The following SNRNP25 variants were observed in gnomAD, a reference collection of about 807,000 sequenced individuals.
SNRNP25 encodes the protein U11/U12 small nuclear ribonucleoprotein 25 kDa protein.
SNRNP25 carries 21 observed loss-of-function variants against 23.9 expected under a neutral mutation model. That is an observed-to-expected ratio of 0.88 (90% confidence interval 0.62 to 1.27). SNRNP25 has a LOEUF of 1.27. SNRNP25 is among the 50% of genes most tolerant of loss of function. SNRNP25 has a pLI of 0.00. For missense variants in SNRNP25, 160 were observed against 156.9 expected, an observed-to-expected ratio of 1.02 and a Z score of -0.11; for synonymous variants, 63 against 60.4, an observed-to-expected ratio of 1.04 and a Z score of -0.20.
chr16:55,597 A>G (rs564927117), intron 2 of SNRNP25, 48 bp downstream of exon 2: 7 of 1,604,642 alleles, frequency 4.4e-6, no homozygotes, highest in Admixed American at 1.7e-5. Context: ...AGGCTTTCAC[A>G]GCAGGAAGAC....
chr16:54,701 C>T (rs879300248), intron 1 of SNRNP25, among the ~76,000 whole-genome samples: 2 of 152,076 alleles, frequency 1.3e-5, no homozygotes, highest in Non-Finnish European at 2.9e-5. Flanking sequence ...TGCTTTGGGA[C>T]GATACTGTCT....
At chr16:54,105 C>G in intron 1 of SNRNP25, 47 bp downstream of exon 1, 6 of 1,556,716 alleles carry the variant, frequency 3.9e-6, no homozygotes, top group Non-Finnish European at 5.2e-6. Flanking sequence ...TCCCCGGGGT[C>G]CGGGCATCCG....
At chr16:54,756 T>A (rs181784253) in intron 1 of SNRNP25, among the ~76,000 whole-genome samples, 202 of 152,192 alleles carry the variant, frequency 1.3e-3, no homozygotes, top group Admixed American at 3.1e-3. Context: ...CTTGGTCCGT[T>A]GCCAGGCTGG....
Position 53,990 on chromosome 16 carries a change from A to T in SNRNP25, c.-27A>T, listed in dbSNP as rs1481763462. ...AGAGGCGCTGCCGCACTCCGAGGCC[A>T]TGGACGTGTTCCAGGAGGGTCTGGC... On this transcript the variant is annotated 5_prime_UTR_variant, in exon 1 of 5. It removes an upstream start codon present in the reference 5' UTR. Transcript: ENST00000293861. The T allele has an allele frequency of 6.2e-7, 1 of 1,609,366 alleles. No homozygotes were observed. The highest frequency in any genetic ancestry group is 8.5e-7 in the Non-Finnish European group (1 of 1,178,576).
intron 1 of SNRNP25, 37 bp downstream of exon 1, chr16:54,095 TC>T: frequency 1.3e-6 from 2 of 1,573,212 alleles, no homozygotes; most frequent in Admixed American, 1.8e-5. Context: ...CGGGAGTCGT[TC>T]CCCGGGGTCC....
intron 3 of SNRNP25, 140 bp from the exon 4 acceptor site, chr16:56,398 GC>G (rs1897408717): frequency 1.2e-6 from 1 of 810,742 alleles, no homozygotes; most frequent in South Asian, 1.4e-5. Flanking sequence ...GACCCAATCT[GC>G]ACATTGTACA....
At position 54,013 on chromosome 16, in the gene SNRNP25, G is replaced by T; in HGVS notation, c.-4G>T. 1 of 1,610,204 alleles carries T rather than the reference G, an allele frequency of 6.2e-7. No individual in the cohort carries two copies. ...CCATGGACGTGTTCCAGGAGGGTCT[G>T]GCTATGGTGGTGCAGGACCCGCTGC... On this transcript the variant is annotated 5_prime_UTR_variant, in exon 1 of 5. Transcript: ENST00000293861.
rs139562459 is a variant in SNRNP25, at chr16:56,581, G to A, written c.282G>A (p.Glu94=). 2.7e-4 allele frequency: 428 copies of A among 1,614,066 alleles called. 2 individuals are homozygous for A. The highest frequency in any genetic ancestry group is 6.6e-4 in the Middle Eastern group (4 of 6,060). ...WRTYHLTSAG[E]KLTEDRKKLR... The stretch of plus-strand genomic sequence containing the variant: ...CGTACCATCTGACCTCTGCAGGAGA[G>A]AAACTCACGGAAGACAGAAAGAAGC... Residue 94 remains glutamate (E), a synonymous_variant, in exon 4 of 5, where the codon GAG becomes GAA. Transcript: ENST00000293861.
chr16:54,484 A>G (rs1173663217), intron 1 of SNRNP25, among the ~76,000 whole-genome samples: 2 of 152,050 alleles, frequency 1.3e-5, no homozygotes, highest in African/African-American at 2.4e-5. Flanking sequence ...TCCTGGGCTC[A>G]GGCGATCCTC....
chr16:55,473 A>G lies in SNRNP25; in HGVS notation c.57A>G (p.Glu19=). The stretch of plus-strand genomic sequence containing the variant: ...GTCTTTTGTAGGTTACTCTGGAAGA[A>G]GTCAACTCCCAAATAGCCCTAGAAT... The part of the protein sequence containing the change: ...CDLPIQVTLE[E]VNSQIALEYG... The change falls in exon 2 of 5, where the codon GAA becomes GAG. Residue 19 remains glutamate, a synonymous_variant. Transcript: ENST00000293861. 1.2e-6 allele frequency: 2 copies of G among 1,614,180 alleles called. No individual in the cohort carries two copies. The highest frequency in any genetic ancestry group is 1.7e-6 in the Non-Finnish European group (2 of 1,180,022).
Position 56,574 on chromosome 16 carries a change from C to T in SNRNP25, c.275C>T (p.Ala92Val). The change falls in exon 4 of 5, where the codon GCA (alanine) becomes GTA (valine). Residue 92 changes from alanine (A) to valine (V), a missense_variant. Coordinates refer to ENST00000293861, the MANE Select transcript of SNRNP25 (RefSeq NM_024571.4). ...YVWRTYHLTSAGEKLTEDRKK... is the reference protein window; with the variant it reads ...YVWRTYHLTSVGEKLTEDRKK... ...TGGAGGACGTACCATCTGACCTCTG[C>T]AGGAGAGAAACTCACGGAAGACAGA... 6.2e-7 allele frequency: 1 copy of T among 1,614,050 alleles called. No homozygotes were observed. Among genetic ancestry groups the T allele is most frequent in the Non-Finnish European group, 8.5e-7 (1 of 1,180,022 alleles).
In SNRNP25 at chr16:54,058, G is replaced by C; in HGVS notation, c.42G>C (p.Gln14His). 6.2e-7 allele frequency: 1 copy of C among 1,603,644 alleles called. No individual in the cohort carries two copies. Among genetic ancestry groups the C allele is most frequent in the South Asian group, 1.1e-5 (1 of 89,896 alleles). Residue 14 changes from glutamine (Q) to histidine (H), a missense_variant and splice_region_variant, in exon 1 of 5, where the codon CAG becomes CAC. Transcript: ENST00000293861. ...CGCTGCTCTGCGATCTGCCGATCCA[G>C]GTGTGTGCGGGCGGGGGCTGGGGGC... ...QDPLLCDLPI[Q>H]VTLEEVNSQI...
chr16:57,519 G>A lies in SNRNP25; in HGVS notation c.*376G>A, dbSNP rs1260483750. On this transcript the variant is annotated 3_prime_UTR_variant, in exon 5 of 5. Coordinates refer to ENST00000293861, the MANE Select transcript of SNRNP25 (RefSeq NM_024571.4). ...GCCCCATCACAGAGGTGAGTTAAGG[G>A]GAGAGAATTGGTACAGGCGAGTCCT... The A allele has an allele frequency of 7.1e-6, 2 of 281,126 alleles. No homozygotes were observed. The highest frequency in any genetic ancestry group is 2.1e-5 in the African/African-American group (1 of 46,926). The allele number at this position is 281,126 out of a possible 1,614,324, so 17.4% of individuals were successfully genotyped here. A position where few individuals can be genotyped will look rare whatever the true frequency, so the allele number is the denominator to read the frequency against.
chr16:55,730 T>C, intron 2 of SNRNP25, 47 bp from the exon 3 acceptor site: 1 of 1,604,988 alleles, frequency 6.2e-7, no homozygotes, highest in Non-Finnish European at 8.5e-7. Flanking sequence ...GGCTGTGGCT[T>C]TGGGTTCTCA....
At position 56,533 on chromosome 16, in the gene SNRNP25, T is replaced by C; in HGVS notation, c.240-6T>C. The C allele has an allele frequency of 6.2e-7, 1 of 1,613,818 alleles. No homozygotes were observed. The highest frequency in any genetic ancestry group is 8.5e-7 in the Non-Finnish European group (1 of 1,179,910). On this transcript the variant is annotated splice_polypyrimidine_tract_variant and splice_region_variant and intron_variant, in intron 3 of 4. Transcript: ENST00000293861. ...CACGTGGTTTACCTGCATTCCCCTC[T>C]TGCAGGTCCTACGTGTGGAGGACGT...
chr16:54,141 G>T, intron 1 of SNRNP25, 83 bp downstream of exon 1: 1 of 1,456,104 alleles, frequency 6.9e-7, no homozygotes, highest in South Asian at 1.2e-5. Context: ...CGAAGGTGCT[G>T]GTGGGAGACT....
chr16:53,868 C>G lies in SNRNP25; in HGVS notation c.-149C>G. The G allele has an allele frequency of 6.8e-7, 1 of 1,470,568 alleles. No homozygotes were observed. The highest frequency in any genetic ancestry group is 9.2e-7 in the Non-Finnish European group (1 of 1,087,906). 91.1% of individuals were successfully genotyped at this position (1,470,568 alleles called of 1,614,324 possible). A position where few individuals can be genotyped will look rare whatever the true frequency, so the allele number is the denominator to read the frequency against. ...GCGCGCTTGGCCTCCCTAGTGCGGG[C>G]TGGCAGTGCGGGCAGAGCCCGGCTG... On this transcript the variant is annotated 5_prime_UTR_variant, in exon 1 of 5. Coordinates refer to ENST00000293861, the MANE Select transcript of SNRNP25 (RefSeq NM_024571.4).
rs768798650 is a variant in SNRNP25 at position 54,034 on chromosome 16, G to A, written c.18G>A (p.Pro6=). 2 of 1,608,102 alleles carry A rather than the reference G, an allele frequency of 1.2e-6. No individual in the cohort carries two copies. The highest frequency in any genetic ancestry group is 1.7e-6 in the Non-Finnish European group (2 of 1,178,830). Reference sequence around the variant, plus strand: ...GTCTGGCTATGGTGGTGCAGGACCCGCTGCTCTGCGATCTGCCGATCCAGG... The same window carrying A: ...GTCTGGCTATGGTGGTGCAGGACCCACTGCTCTGCGATCTGCCGATCCAGG... MVVQD[P]LLCDLPIQVT... The change falls in exon 1 of 5, where the codon CCG becomes CCA. Residue 6 remains proline (P), a synonymous_variant. Coordinates refer to ENST00000293861, the MANE Select transcript of SNRNP25 (RefSeq NM_024571.4).
At chr16:56,862 C>T (rs1345627866) in intron 4 of SNRNP25, among the ~76,000 whole-genome samples, 5 of 152,168 alleles carry the variant, frequency 3.3e-5, no homozygotes, top group African/African-American at 4.8e-5. Context: ...GGCATGGAGG[C>T]GAAAGGCTGT....
Sources: allele counts gnomAD v4.1 joint callset (sites outside exome capture counted in the v4.1 genomes callset), GRCh38; gene constraint gnomAD v4.1.1; transcripts MANE v1.5; gene names NCBI Gene and HGNC (gene_info 2026-07-23, HGNC 2026-07-21).